The following ASZ1 variants were observed in gnomAD, a reference collection of about 807,000 sequenced individuals.
ASZ1 encodes ankyrin repeat, SAM and basic leucine zipper domain containing 1.
In ASZ1, 67 loss-of-function variants were observed where a neutral mutation model predicts 61.8. That is an observed-to-expected ratio of 1.08 (90% CI 0.89 to 1.33). The LOEUF is 1.33. Ranked by LOEUF, ASZ1 falls within the 40% of genes most tolerant of loss-of-function variation. ASZ1 has a pLI of 0.00. For missense variants in ASZ1, 577 were observed against 554.5 expected (o/e 1.04, Z -0.41); for synonymous variants, 193 against 192.7 (o/e 1.00, Z -0.01).
intron 4 of ASZ1, among the ~76,000 whole-genome samples, chr7:117,415,153 T>C (rs1182741500): frequency 6.6e-6 from 1 of 152,186 alleles, no homozygotes; most frequent in African/African-American, 2.4e-5. Context: ...CCAGCATCTG[T>C]TGCTTCCTGA....
At chr7:117,422,202 A>G in intron 3 of ASZ1, 35 bp downstream of exon 3, 3 of 1,595,836 alleles carry the variant, frequency 1.9e-6, no homozygotes, top group Non-Finnish European at 2.6e-6. Context: ...GAATCACAGT[A>G]AGCATAATCA....
chr7:117,392,811 A>G (rs1488521763), intron 4 of ASZ1, among the ~76,000 whole-genome samples: 1 of 151,478 alleles, frequency 6.6e-6, no homozygotes, highest in Admixed American at 6.6e-5. Flanking sequence ...TTCTATTTTA[A>G]TTAATCCAGA....
chr7:117,384,956 A>G (rs1358484814), intron 5 of ASZ1, 96 bp from the exon 6 acceptor site: 1 of 1,107,328 alleles, frequency 9.0e-7, no homozygotes, highest in Non-Finnish European at 1.2e-6. Flanking sequence ...ACAATAAAAA[A>G]GAGAACATAG....
chr7:117,374,698 C>G (rs1196348532), intron 10 of ASZ1, among the ~76,000 whole-genome samples: 1 of 151,914 alleles, frequency 6.6e-6, no homozygotes, highest in Non-Finnish European at 1.5e-5. Flanking sequence ...GAAAAGAATA[C>G]TAAGCTGGTA....
chr7:117,420,799 G>C (rs1343009664), intron 3 of ASZ1, among the ~76,000 whole-genome samples: 1 of 151,930 alleles, frequency 6.6e-6, no homozygotes, highest in Non-Finnish European at 1.5e-5. Flanking sequence ...TTCTTCCCTT[G>C]GCTCTCATGG....
chr7:117,369,815 A>G, intron 10 of ASZ1, among the ~76,000 whole-genome samples: 1 of 152,238 alleles, frequency 6.6e-6, no homozygotes, highest in East Asian at 1.9e-4. Context: ...TTATGGCATA[A>G]TAATTAAGAA....
intron 4 of ASZ1, among the ~76,000 whole-genome samples, chr7:117,406,708 G>A (rs1241028663): frequency 1.3e-5 from 2 of 151,650 alleles, no homozygotes; most frequent in Admixed American, 1.3e-4. Context: ...AGCCGAGATT[G>A]CGCCACTGCA....
Position 117,368,611 on chromosome 7 carries a change from C to A in ASZ1, c.1161+1G>T. On this transcript the variant is annotated splice_donor_variant, in intron 11 of 12. Transcript: ENST00000284629. LOFTEE classifies it high-confidence loss of function. ...TTCACTTAATAACTTTTGTAGAATA[C>A]CTTTTGAGAATTTACAGGTAACTCA... 6.2e-7 allele frequency: 1 copy of A among 1,610,422 alleles called. No individual in the cohort carries two copies. Among genetic ancestry groups the A allele is most frequent in the South Asian group, 1.1e-5 (1 of 90,190 alleles).
In ASZ1 at chr7:117,422,478, G is replaced by A. The variant is rs1038915016; in HGVS notation, c.206-119C>T. ...ACATCATGTACTTTATTCCACCATG[G>A]GAAGTTTTTAATGGCTTCCAAAAAA... is the stretch of plus-strand genomic sequence containing the variant. On this transcript the variant is annotated intron_variant, in intron 2 of 12. Transcript: ENST00000284629. The A allele has an allele frequency of 9.1e-6, 11 of 1,202,766 alleles. No individual in the cohort carries two copies. The African/African-American group carries it at 1.5e-4, about 17-fold the overall frequency. The allele number at this position is 1,202,766 out of a possible 1,614,324, so 74.5% of individuals were successfully genotyped here.
chr7:117,385,031 T>C (rs1434558291), intron 5 of ASZ1, among the ~76,000 whole-genome samples, 171 bp from the exon 6 acceptor site: 3 of 151,416 alleles, frequency 2.0e-5, no homozygotes. Context: ...TCCAAAGTTG[T>C]AATTGCAAAG....
intron 4 of ASZ1, among the ~76,000 whole-genome samples, chr7:117,417,122 G>A (rs959568118): frequency 2.6e-5 from 4 of 151,972 alleles, no homozygotes; most frequent in African/African-American, 9.7e-5. Context: ...AAGCTTAGAG[G>A]CTGATTTCCA....
chr7:117,380,451 T>C (rs1212203780), intron 9 of ASZ1, among the ~76,000 whole-genome samples: 1 of 151,854 alleles, frequency 6.6e-6, no homozygotes, highest in African/African-American at 2.4e-5. Flanking sequence ...AAACTAAATT[T>C]TCTATACTGG....
At chr7:117,396,451 T>C (rs77831922) in intron 4 of ASZ1, among the ~76,000 whole-genome samples, 8,531 of 152,296 alleles carry the variant, frequency 0.056, 341 homozygotes, top group Middle Eastern at 0.088. Context: ...AAGGAGCTAC[T>C]CATCTAATCA....
At chr7:117,380,395 A>G (rs1027135541) in intron 9 of ASZ1, among the ~76,000 whole-genome samples, 1 of 151,784 alleles carries the variant, frequency 6.6e-6, no homozygotes, top group Admixed American at 6.6e-5. Context: ...ATCAGTGATA[A>G]ATGAGAATTA....
chr7:117,397,683 G>A (rs1796602577), intron 4 of ASZ1, among the ~76,000 whole-genome samples: 1 of 152,196 alleles, frequency 6.6e-6, no homozygotes, highest in Non-Finnish European at 1.5e-5. Context: ...TGAAGGCAGA[G>A]AACATAAGGC....
intron 8 of ASZ1, among the ~76,000 whole-genome samples, chr7:117,381,494 T>C (rs1013419562): frequency 6.6e-6 from 1 of 152,124 alleles, no homozygotes; most frequent in African/African-American, 2.4e-5. Context: ...TTTAACAGAA[T>C]GTGCACACTC....
At chr7:117,367,802 G>A in intron 11 of ASZ1, 1 of 987,568 alleles carries the variant, frequency 1.0e-6, no homozygotes. Flanking sequence ...TGGAAAACAA[G>A]TGCATTAAAA....
intron 7 of ASZ1, among the ~76,000 whole-genome samples, 190 bp from the exon 8 acceptor site, chr7:117,382,334 A>G (rs1796270917): frequency 6.6e-6 from 1 of 152,174 alleles, no homozygotes; most frequent in South Asian, 2.1e-4. Flanking sequence ...TATGAGGAGT[A>G]TAACTCATCT....
intron 1 of ASZ1, 92 bp downstream of exon 1, chr7:117,427,264 G>A (rs1252821713): frequency 3.0e-6 from 4 of 1,333,856 alleles, no homozygotes; most frequent in Non-Finnish European, 4.3e-6. Context: ...ATACACGTGA[G>A]GGAGTAGGAG....
Sources: gnomAD v4.1 joint callset for allele counts (sites outside exome capture counted in the v4.1 genomes callset) on GRCh38, gnomAD v4.1.1 for gene constraint, MANE v1.5 for transcripts, NCBI Gene and HGNC (gene_info 2026-07-23, HGNC 2026-07-21) for gene names.